Variants in SEL1L observed in about 807,000 individuals in gnomAD.
SEL1L encodes SEL1L adaptor subunit of SYVN1 ubiquitin ligase, also known as protein sel-1 homolog 1.
A neutral mutation model predicts 109.8 loss-of-function variants in SEL1L; 52 were observed. That is an observed-to-expected ratio of 0.47 (90% confidence interval 0.38 to 0.60). SEL1L has a LOEUF of 0.60. Ranked by LOEUF, SEL1L falls within the 20% of genes least tolerant of loss-of-function variation. SEL1L has a pLI of 0.00. For synonymous variants in SEL1L, 373 were observed against 339.6 expected, an observed-to-expected ratio of 1.10 and a Z score of -1.08; for missense variants, 749 against 962.2, an observed-to-expected ratio of 0.78 and a Z score of 2.93.
chr14:81,473,571 TAC>T lies in SEL1L; in HGVS notation c.*3399_*3400del, dbSNP rs1401600906. On this transcript the variant is annotated 3_prime_UTR_variant, in exon 21 of 21. Transcript: ENST00000336735. ...TACTTCTAGTCATAATAATGTGTAATACATATATATATTATGAGATTCACTTT... is the reference window on the plus strand; with the variant it reads ...TACTTCTAGTCATAATAATGTGTAATATATATATATTATGAGATTCACTTT... The T allele has an allele frequency of 6.6e-5, 10 of 152,192 alleles. No individual in the cohort carries two copies. Among genetic ancestry groups the T allele is most frequent in the African/African-American group, 2.4e-4 (10 of 41,454 alleles). The allele number at this position is 152,192 out of a possible 1,614,324, so 9.4% of individuals were successfully genotyped here.
chr14:81,502,621 A>G (rs996074106), intron 6 of SEL1L, 100 bp downstream of exon 6: 5 of 1,169,072 alleles, frequency 4.3e-6, no homozygotes, highest in Non-Finnish European at 6.0e-6. Context: ...TTTATCTTCC[A>G]GTCTGACTTT....
intron 1 of SEL1L, among the ~76,000 whole-genome samples, chr14:81,531,553 T>G (rs939984960): frequency 2.1e-5 from 3 of 144,108 alleles, no homozygotes; most frequent in South Asian, 2.2e-4. Context: ...CACAGGGTTG[T>G]TTTTTTTTCT....
intron 14 of SEL1L, chr14:81,488,893 C>G (rs1471874650): frequency 1.9e-5 from 5 of 263,548 alleles, no homozygotes; most frequent in African/African-American, 4.6e-5. Flanking sequence ...AAGCTTTCCT[C>G]CTCCTCAATG....
chr14:81,532,514 A>T (rs1885367049), intron 1 of SEL1L, among the ~76,000 whole-genome samples: 1 of 152,204 alleles, frequency 6.6e-6, no homozygotes, highest in East Asian at 1.9e-4. Flanking sequence ...TACTGGAGGG[A>T]GGGGAGTGGA....
intron 3 of SEL1L, among the ~76,000 whole-genome samples, chr14:81,510,512 C>CTATATATATATATA (rs1342094383): frequency 5.2e-4 from 56 of 106,702 alleles, no homozygotes; most frequent in East Asian, 1.8e-3. Context: ...CTCTCTCTCT[C>CTATATATATATATA]TCTATATATA....
intron 10 of SEL1L, among the ~76,000 whole-genome samples, chr14:81,495,667 G>A (rs997579617): frequency 6.6e-6 from 1 of 151,906 alleles, no homozygotes; most frequent in Non-Finnish European, 1.5e-5. Context: ...TAGGCACGAT[G>A]GGCTCATGCC....
At chr14:81,483,642 T>G (rs1424317538) in intron 19 of SEL1L, among the ~76,000 whole-genome samples, 1 of 152,226 alleles carries the variant, frequency 6.6e-6, no homozygotes, top group East Asian at 1.9e-4. Context: ...TTAGATTCTA[T>G]TGGATATTTT....
chr14:81,514,125 T>A (rs1884601247), intron 3 of SEL1L, among the ~76,000 whole-genome samples: 2 of 152,232 alleles, frequency 1.3e-5, no homozygotes, highest in East Asian at 3.9e-4. Context: ...ATTCCCTTCT[T>A]TAGGCACCTG....
chr14:81,499,046 C>A (rs754640707), intron 8 of SEL1L: 37 of 817,426 alleles, frequency 4.5e-5, no homozygotes, highest in African/African-American at 5.6e-5. Context: ...ATTCTTAGGG[C>A]ATTGTTGCAA....
chr14:81,504,463 G>T, intron 4 of SEL1L, among the ~76,000 whole-genome samples, 157 bp from the exon 5 acceptor site: 1 of 150,638 alleles, frequency 6.6e-6, no homozygotes. Context: ...GCCTTTACAT[G>T]ACACAAGATA....
intron 18 of SEL1L, 44 bp from the exon 19 acceptor site, chr14:81,484,441 G>A (rs1224387718): frequency 1.3e-6 from 2 of 1,520,722 alleles, no homozygotes; most frequent in Admixed American, 1.8e-5. Flanking sequence ...AATAAAGTAT[G>A]TTTAAAACAG....
chr14:81,504,409 T>A (rs966560714), intron 4 of SEL1L, 103 bp from the exon 5 acceptor site: 20 of 703,988 alleles, frequency 2.8e-5, no homozygotes, highest in Non-Finnish European at 4.3e-5. Flanking sequence ...AAATGAATGA[T>A]CTTTCACTAT....
intron 3 of SEL1L, among the ~76,000 whole-genome samples, chr14:81,520,705 T>C (rs1327431865): frequency 6.6e-6 from 1 of 152,180 alleles, no homozygotes; most frequent in East Asian, 1.9e-4. Flanking sequence ...CTGAAGGTAT[T>C]TACTATTGGA....
chr14:81,488,839 G>A (rs1883431289), intron 14 of SEL1L: 7 of 228,412 alleles, frequency 3.1e-5, no homozygotes, highest in African/African-American at 4.7e-5. Flanking sequence ...TGAAGGGCTG[G>A]GAGAAGACAG....
At chr14:81,485,584 A>G (rs1315155805) in intron 18 of SEL1L, 88 bp downstream of exon 18, 3 of 1,141,110 alleles carry the variant, frequency 2.6e-6, no homozygotes, top group African/African-American at 1.5e-5. Context: ...GAGCCACAGT[A>G]CTCGGCTTCA....
chr14:81,509,302 T>C (rs1008831484), intron 3 of SEL1L, among the ~76,000 whole-genome samples: 1 of 151,946 alleles, frequency 6.6e-6, no homozygotes, highest in Non-Finnish European at 1.5e-5. Flanking sequence ...ACCAGAAGAG[T>C]ATCAATTTTA....
chr14:81,508,665 T>A (rs10132734), intron 3 of SEL1L, among the ~76,000 whole-genome samples: 1 of 152,096 alleles, frequency 6.6e-6, no homozygotes, highest in African/African-American at 2.4e-5. Context: ...GGAGGATCAC[T>A]TGAACCTGGG....
rs1474051430 is a variant in SEL1L, at chr14:81,499,427, A to G, written c.891+32T>C. 9 of 1,595,458 alleles carry G rather than the reference A, an allele frequency of 5.6e-6. No homozygotes were observed. In the East Asian group the frequency reaches 1.1e-4, roughly 20 times the overall value. ...TAAACCACAAATTCTTCTGATGTTA[A>G]TATTATTAGCCTTCCACTAAAGTCT... On this transcript the variant is annotated intron_variant, in intron 8 of 20. Coordinates refer to ENST00000336735, the MANE Select transcript of SEL1L (RefSeq NM_005065.6).
Position 81,479,508 on chromosome 14 carries a change from T to C in SEL1L, c.2175+104A>G, listed in dbSNP as rs979954747. 1.1e-4 allele frequency: 132 copies of C among 1,217,960 alleles called. 1 individual carries two copies. The highest frequency in any genetic ancestry group is 1.4e-4 in the Non-Finnish European group (123 of 881,100). The allele number at this position is 1,217,960 out of a possible 1,614,324, so 75.4% of individuals were successfully genotyped here. ...AGGAGAAGGGAACACACCCGATACC[T>C]GCAGGACCACTCTTCCCTGTGCTTC... On this transcript the variant is annotated intron_variant, in intron 20 of 20. Transcript: ENST00000336735.
Sources: gnomAD v4.1 joint callset for allele counts (sites outside exome capture counted in the v4.1 genomes callset) on GRCh38, gnomAD v4.1.1 for gene constraint, MANE v1.5 for transcripts, NCBI Gene and HGNC (gene_info 2026-07-23, HGNC 2026-07-21) for gene names.